Variants in LSAMP observed in about 807,000 individuals in gnomAD.
LSAMP encodes the protein limbic system associated membrane protein, also known as limbic system-associated membrane protein.
In LSAMP, 7 loss-of-function variants were observed where a neutral mutation model predicts 38.6. The observed-to-expected ratio is 0.18, with a 90% confidence interval of 0.10 to 0.34. The LOEUF is 0.34. Among genes scored for constraint, LSAMP ranks in the 10% least tolerant of loss-of-function variants. The probability of loss-of-function intolerance (pLI) is 1.00; values close to 1 mark genes in which losing one functional copy is unlikely to be tolerated. For synonymous variants in LSAMP, 154 were observed against 166.8 expected (o/e 0.92, Z 0.59); for missense variants, 313 against 420.0 (o/e 0.75, Z 2.23).
chr3:116,343,575 A>G (rs1401595437), intron 1 of LSAMP, among the ~76,000 whole-genome samples: 1 of 152,136 alleles, frequency 6.6e-6, no homozygotes, highest in African/African-American at 2.4e-5. Context: ...CATGCCATGT[A>G]TAAGATGGTC....
chr3:116,225,710 G>T (rs1329897610), intron 1 of LSAMP, among the ~76,000 whole-genome samples: 2 of 150,718 alleles, frequency 1.3e-5, no homozygotes, highest in Non-Finnish European at 1.5e-5. Flanking sequence ...AATAGCAGTT[G>T]TTAAGCCTAG....
intron 1 of LSAMP, among the ~76,000 whole-genome samples, chr3:116,376,760 C>G (rs1368868933): frequency 6.6e-6 from 1 of 152,016 alleles, no homozygotes; most frequent in Non-Finnish European, 1.5e-5. Flanking sequence ...TCAATTAGCA[C>G]CTATAAATGT....
intron 1 of LSAMP, among the ~76,000 whole-genome samples, chr3:116,270,818 C>T (rs2046961462): frequency 2.6e-5 from 4 of 152,010 alleles, no homozygotes; most frequent in African/African-American, 7.2e-5. Flanking sequence ...CCAAATATCC[C>T]ACTTGAATAA....
chr3:115,922,149 A>G (rs1937396376), intron 3 of LSAMP, among the ~76,000 whole-genome samples: 1 of 151,892 alleles, frequency 6.6e-6, no homozygotes, highest in South Asian at 2.1e-4. Flanking sequence ...GTTTTCATTC[A>G]TTATTTCTTT....
At chr3:116,117,903 T>C (rs1405742061) in intron 1 of LSAMP, among the ~76,000 whole-genome samples, 1 of 152,162 alleles carries the variant, frequency 6.6e-6, no homozygotes, top group African/African-American at 2.4e-5. Flanking sequence ...GAAGTTACGA[T>C]TGGTATGGAC....
At chr3:116,403,454 T>C (rs2048863544) in intron 1 of LSAMP, among the ~76,000 whole-genome samples, 1 of 152,096 alleles carries the variant, frequency 6.6e-6, no homozygotes, top group South Asian at 2.1e-4. Flanking sequence ...TAGATTAATT[T>C]GGGAGATATT....
intron 1 of LSAMP, among the ~76,000 whole-genome samples, chr3:116,088,251 G>A (rs550704459): frequency 6.6e-6 from 1 of 152,106 alleles, no homozygotes; most frequent in South Asian, 2.1e-4. Context: ...TTACCTATTT[G>A]TTTTCATAAA....
At chr3:116,129,539 G>A (rs992020088) in intron 1 of LSAMP, among the ~76,000 whole-genome samples, 1 of 152,298 alleles carries the variant, frequency 6.6e-6, no homozygotes, top group Admixed American at 6.5e-5. Flanking sequence ...GTATGGCCCA[G>A]CTTGTCTCAA....
intron 1 of LSAMP, among the ~76,000 whole-genome samples, chr3:116,248,647 C>T (rs1441570576): frequency 6.6e-6 from 1 of 151,980 alleles, no homozygotes; most frequent in African/African-American, 2.4e-5. Flanking sequence ...TCCACCAGGG[C>T]CAACGTGCTT....
intron 1 of LSAMP, among the ~76,000 whole-genome samples, chr3:116,117,877 C>G (rs1261184603): frequency 6.6e-6 from 1 of 152,054 alleles, no homozygotes; most frequent in East Asian, 1.9e-4. Context: ...TAGTGTTTGT[C>G]AGTTTTGTCC....
chr3:116,256,711 T>A (rs1366919540), intron 1 of LSAMP, among the ~76,000 whole-genome samples: 2 of 152,186 alleles, frequency 1.3e-5, no homozygotes, highest in African/African-American at 4.8e-5. Flanking sequence ...TTTCTTTCTC[T>A]CTTCTGTGTG....
intron 1 of LSAMP, among the ~76,000 whole-genome samples, chr3:116,342,305 G>A (rs1179024161): frequency 6.6e-6 from 1 of 151,962 alleles, no homozygotes; most frequent in East Asian, 1.9e-4. Flanking sequence ...AGACTAAATT[G>A]AATGTCCTCA....
rs1032541317 is a variant in LSAMP, at chr3:115,808,882, T to A, written c.*1435A>T. The A allele has an allele frequency of 6.6e-6, 1 of 152,242 alleles. No homozygotes were observed. The allele number at this position is 152,242 out of a possible 1,614,324, so 9.4% of individuals were successfully genotyped here. A position where few individuals can be genotyped will look rare whatever the true frequency, so the allele number is the denominator to read the frequency against. On this transcript the variant is annotated 3_prime_UTR_variant, in exon 7 of 7. Transcript: ENST00000490035. The stretch of plus-strand genomic sequence containing the variant: ...GGAGCCTGGGCATCTGTTGACTTTT[T>A]CTGCCTTGCTCACTTTCACTGTATT...
intron 3 of LSAMP, among the ~76,000 whole-genome samples, chr3:115,928,223 A>T (rs1327738201): frequency 6.6e-6 from 1 of 152,190 alleles, no homozygotes; most frequent in African/African-American, 2.4e-5. Flanking sequence ...TTTACTTTTT[A>T]CTTTAGCTTC....
At chr3:116,079,432 G>T (rs1707823869) in intron 2 of LSAMP, among the ~76,000 whole-genome samples, 1 of 152,166 alleles carries the variant, frequency 6.6e-6, no homozygotes, top group African/African-American at 2.4e-5. Flanking sequence ...GCCGAGGCAG[G>T]CAGATCACGA....
In LSAMP at chr3:116,209,132, C is replaced by T. The variant is rs550870674; in HGVS notation, c.156-122576G>A. 7.8e-4 allele frequency among the ~76,000 whole-genome samples: 119 copies of T among 152,316 alleles called. 1 individual carries two copies. The highest frequency in any genetic ancestry group is 1.7e-3 in the South Asian group (8 of 4,822). On this transcript the variant is annotated intron_variant, in intron 1 of 6. Transcript: ENST00000490035. ...CCGTTTTTTAAGCCGGTCCGAAAAG[C>T]GCAGTATTCGGGTGGGAGTGACCCG...
At chr3:115,867,213 TG>T (rs1935886819) in intron 3 of LSAMP, among the ~76,000 whole-genome samples, 1 of 152,024 alleles carries the variant, frequency 6.6e-6, no homozygotes, top group African/African-American at 2.4e-5. Context: ...AGAAGATAAT[TG>T]GGTAAGTTAT....
intron 1 of LSAMP, among the ~76,000 whole-genome samples, chr3:116,321,481 A>G (rs1351814070): frequency 1.3e-5 from 2 of 152,222 alleles, no homozygotes. Context: ...GCCAAGTAGC[A>G]TATTAGGGGC....
chr3:116,232,716 T>TC (rs1553715844), intron 1 of LSAMP, among the ~76,000 whole-genome samples: 5 of 146,750 alleles, frequency 3.4e-5, no homozygotes, highest in African/African-American at 1.3e-4. Flanking sequence ...TTTTTTTTTT[T>TC]CCAGCAGGTA....
Sources: gnomAD v4.1 joint callset for allele counts (sites outside exome capture counted in the v4.1 genomes callset) on GRCh38, gnomAD v4.1.1 for gene constraint, MANE v1.5 for transcripts, NCBI Gene and HGNC (gene_info 2026-07-23, HGNC 2026-07-21) for gene names.